Variants in CDH13 observed in about 807,000 individuals in gnomAD.
CDH13 encodes cadherin-13.
A neutral mutation model predicts 63.8 loss-of-function variants in CDH13; 24 were observed. The ratio of observed to expected loss-of-function variants is 0.38; its 90% CI spans 0.27 to 0.53. The LOEUF (loss-of-function observed/expected upper bound fraction) is 0.53, where lower values mean the gene tolerates loss of function less well. CDH13 is among the 20% of genes least tolerant of loss of function. CDH13 has a pLI of 0.85. For missense variants in CDH13, 1,049 were observed against 903.1 expected, an observed-to-expected ratio of 1.16 and a Z score of -2.07; for synonymous variants, 503 against 355.3, an observed-to-expected ratio of 1.42 and a Z score of -4.67.
At chr16:83,438,802 G>C (rs1465181721) in intron 6 of CDH13, among the ~76,000 whole-genome samples, 1 of 152,200 alleles carries the variant, frequency 6.6e-6, no homozygotes, top group Non-Finnish European at 1.5e-5. Flanking sequence ...GTTTGAGACT[G>C]TGCCAGAAAG....
intron 1 of CDH13, among the ~76,000 whole-genome samples, chr16:82,673,019 T>TTTTTTTTTTG (rs59558350): frequency 1.4e-5 from 2 of 145,372 alleles, no homozygotes; most frequent in African/African-American, 5.1e-5. Flanking sequence ...TTTTTTTTTT[T>TTTTTTTTTTG]GTAGAGATGA....
intron 5 of CDH13, among the ~76,000 whole-genome samples, chr16:83,228,302 C>T (rs2039901803): frequency 2.0e-5 from 3 of 152,186 alleles, no homozygotes; most frequent in South Asian, 2.1e-4. Flanking sequence ...CCCACACGTC[C>T]GCAGGGCCGT....
chr16:83,356,638 A>G (rs553209692), intron 6 of CDH13, among the ~76,000 whole-genome samples: 4 of 152,132 alleles, frequency 2.6e-5, no homozygotes, highest in Non-Finnish European at 2.9e-5. Flanking sequence ...ATATATATAC[A>G]GTAAGATTTT....
chr16:83,599,839 G>A (rs1401631061), intron 7 of CDH13, among the ~76,000 whole-genome samples: 1 of 152,178 alleles, frequency 6.6e-6, no homozygotes, highest in Non-Finnish European at 1.5e-5. Flanking sequence ...TATGACAAAA[G>A]TGAAAGCGTT....
At chr16:83,070,915 A>G in intron 3 of CDH13, among the ~76,000 whole-genome samples, 1 of 141,330 alleles carries the variant, frequency 7.1e-6, no homozygotes, top group Non-Finnish European at 1.5e-5. Flanking sequence ...TGCTCATGAT[A>G]TACAACCAAT....
chr16:82,751,649 A>G (rs2034419710), intron 1 of CDH13, among the ~76,000 whole-genome samples: 1 of 152,104 alleles, frequency 6.6e-6, no homozygotes, highest in Admixed American at 6.6e-5. Context: ...CACAATATTA[A>G]ATAGCAAATA....
At chr16:83,226,702 A>C (rs1308572190) in intron 5 of CDH13, among the ~76,000 whole-genome samples, 1 of 152,174 alleles carries the variant, frequency 6.6e-6, no homozygotes, top group African/African-American at 2.4e-5. Flanking sequence ...CCTTAGACCC[A>C]TTTTGTCCAG....
At chr16:83,287,729 T>G (rs1320408601) in intron 5 of CDH13, among the ~76,000 whole-genome samples, 1 of 152,132 alleles carries the variant, frequency 6.6e-6, no homozygotes, top group East Asian at 1.9e-4. Context: ...CACCATAAAT[T>G]TAATGTGCTT....
chr16:83,739,425 C>A (rs1911853414), intron 10 of CDH13, among the ~76,000 whole-genome samples: 1 of 152,152 alleles, frequency 6.6e-6, no homozygotes, highest in Admixed American at 6.5e-5. Flanking sequence ...GCCCCATGTG[C>A]CTTTTTTCTG....
At chr16:82,641,802 C>A (rs1160315921) in intron 1 of CDH13, among the ~76,000 whole-genome samples, 1 of 152,064 alleles carries the variant, frequency 6.6e-6, no homozygotes, top group Admixed American at 6.5e-5. Flanking sequence ...TAAGACAGGC[C>A]AAGTCCCTGC....
chr16:83,159,613 A>C (rs73604274), intron 4 of CDH13, among the ~76,000 whole-genome samples: 12,207 of 152,248 alleles, frequency 0.08, 1,633 homozygotes, highest in African/African-American at 0.28. Flanking sequence ...CTTAGCAGAA[A>C]GAAGAAACGA....
At chr16:82,909,446 T>G (rs2041758108) in intron 2 of CDH13, among the ~76,000 whole-genome samples, 1 of 152,232 alleles carries the variant, frequency 6.6e-6, no homozygotes, top group African/African-American at 2.4e-5. Context: ...TTAACTATTC[T>G]TTGGTACGGA....
intron 1 of CDH13, among the ~76,000 whole-genome samples, chr16:82,801,543 G>C (rs897673238): frequency 6.6e-6 from 1 of 152,150 alleles, no homozygotes; most frequent in Non-Finnish European, 1.5e-5. Flanking sequence ...GCCACAAACG[G>C]CAGCTAGGGT....
At chr16:83,660,397 T>C (rs889968184) in intron 8 of CDH13, among the ~76,000 whole-genome samples, 2 of 152,224 alleles carry the variant, frequency 1.3e-5, no homozygotes, top group South Asian at 4.2e-4. Context: ...GTGTGTGCAG[T>C]TCACTATAGG....
intron 1 of CDH13, among the ~76,000 whole-genome samples, chr16:82,843,067 C>A (rs1434179494): frequency 6.6e-6 from 1 of 152,250 alleles, no homozygotes. Context: ...GATGGATACC[C>A]ATCCATGGCC....
intron 10 of CDH13, among the ~76,000 whole-genome samples, chr16:83,733,059 G>T (rs1420493828): frequency 6.6e-6 from 1 of 152,122 alleles, no homozygotes; most frequent in African/African-American, 2.4e-5. Flanking sequence ...GCATCCCAAG[G>T]GCAGGAAGCT....
chr16:82,633,677 C>G (rs1160671861), intron 1 of CDH13, among the ~76,000 whole-genome samples: 1 of 152,194 alleles, frequency 6.6e-6, no homozygotes, highest in Non-Finnish European at 1.5e-5. Flanking sequence ...TGCGCCTGGC[C>G]AAGTACCCTT....
chr16:83,100,042 G>T (rs574103651), intron 3 of CDH13, among the ~76,000 whole-genome samples: 4 of 152,058 alleles, frequency 2.6e-5, no homozygotes, highest in Non-Finnish European at 5.9e-5. Flanking sequence ...TTAGCATCTC[G>T]ATGGGTTTCA....
chr16:83,358,999 G>A (rs1161875432), intron 6 of CDH13, among the ~76,000 whole-genome samples: 1 of 152,180 alleles, frequency 6.6e-6, no homozygotes, highest in Non-Finnish European at 1.5e-5. Context: ...ATTTATGTCA[G>A]TGTGCTGGCT....
Sources: allele counts gnomAD v4.1 joint callset (sites outside exome capture counted in the v4.1 genomes callset), GRCh38; gene constraint gnomAD v4.1.1; transcripts MANE v1.5; gene names NCBI Gene and HGNC (gene_info 2026-07-23, HGNC 2026-07-21).